The following ATM variants were observed in gnomAD, a reference collection of about 807,000 sequenced individuals.
The protein encoded by ATM is serine-protein kinase ATM.
ATM carries 308 observed loss-of-function variants against 387.0 expected under a neutral mutation model. The ratio of observed to expected loss-of-function variants is 0.80; its 90% confidence interval spans 0.73 to 0.87. The LOEUF is 0.87. Among genes scored for constraint, ATM ranks in the 40% least tolerant of loss-of-function variants. The probability of loss-of-function intolerance (pLI) is 0.00; values close to 1 mark genes in which losing one functional copy is unlikely to be tolerated. For synonymous variants in ATM, 1,156 were observed against 1,187.3 expected (o/e 0.97, Z 0.54); for missense variants, 3,312 against 3,560.9 (o/e 0.93, Z 1.78).
At chr11:108,239,792 A>T (rs1434214862) in intron 5 of ATM, among the ~76,000 whole-genome samples, 2 of 152,136 alleles carry the variant, frequency 1.3e-5, no homozygotes, top group Non-Finnish European at 2.9e-5. Flanking sequence ...CTACATTCTC[A>T]CTAGCACAAC....
rs752705487 is a variant in ATM at position 108,335,837 on chromosome 11, T to G, written c.8152-8T>G. 6.2e-7 allele frequency: 1 copy of G among 1,607,556 alleles called. No homozygotes were observed. The highest frequency in any genetic ancestry group is 8.5e-7 in the Non-Finnish European group (1 of 1,174,224). ...GTACTTGTTTATTCATGCTTAATTA[T>G]TCTGAAGGGCCGTGATGACCTGAGA... On this transcript the variant is annotated splice_region_variant and splice_polypyrimidine_tract_variant and intron_variant, in intron 55 of 62. Transcript: ENST00000675843.
chr11:108,270,943 T>G (rs2081539788), intron 18 of ATM, 121 bp from the exon 19 acceptor site: 1 of 793,086 alleles, frequency 1.3e-6, no homozygotes, highest in Non-Finnish European at 2.1e-6. Flanking sequence ...ATCTGCCTGC[T>G]TCAGCCTCCC....
At chr11:108,308,094 A>G (rs1430090612) in intron 38 of ATM, 110 bp downstream of exon 38, 2 of 1,035,340 alleles carry the variant, frequency 1.9e-6, no homozygotes, top group Non-Finnish European at 2.9e-6. Flanking sequence ...AAAGTGTTAT[A>G]TTTAATTTGT....
chr11:108,228,364 C>G (rs1350296179), intron 3 of ATM, among the ~76,000 whole-genome samples: 1 of 152,120 alleles, frequency 6.6e-6, no homozygotes, highest in Non-Finnish European at 1.5e-5. Flanking sequence ...CAACTGATTG[C>G]TGGACAGGAG....
intron 61 of ATM, among the ~76,000 whole-genome samples, chr11:108,359,681 T>C (rs976426809): frequency 2.6e-5 from 4 of 152,238 alleles, no homozygotes; most frequent in African/African-American, 9.6e-5. Flanking sequence ...CCAAACAACC[T>C]GCTCCTGAAT....
rs546023856 is a variant in ATM at position 108,366,762 on chromosome 11, T to C, written c.*1254T>C. ...TCTCCTTGTGCTAGTGGGCAGAATA[T>C]TTGATTGATGCCTTTTTCACTGAGA... On this transcript the variant is annotated 3_prime_UTR_variant, in exon 63 of 63. Coordinates refer to ENST00000675843, the MANE Select transcript of ATM (RefSeq NM_000051.4). 2.6e-5 allele frequency: 6 copies of C among 230,826 alleles called. No homozygotes were observed. The highest frequency in any genetic ancestry group is 1.1e-4 in the African/African-American group (5 of 45,334). The allele number at this position is 230,826 out of a possible 1,614,324, so 14.3% of individuals were successfully genotyped here.
chr11:108,332,906 T>G lies in ATM; in HGVS notation c.7927+6T>G, dbSNP rs1591179460. 4 of 1,609,706 alleles carry G rather than the reference T, an allele frequency of 2.5e-6. No individual in the cohort carries two copies. The highest frequency in any genetic ancestry group is 3.4e-6 in the Non-Finnish European group (4 of 1,178,354). On this transcript the variant is annotated splice_donor_region_variant and intron_variant, in intron 53 of 62. Coordinates refer to ENST00000675843, the MANE Select transcript of ATM (RefSeq NM_000051.4). ...TCAGTGGAAGACTCAGAGAAGTATG[T>G]TTTTTTTAAAGAAGAAACGTTACTT...
intron 5 of ATM, among the ~76,000 whole-genome samples, chr11:108,238,053 A>C (rs1244856855): frequency 6.6e-6 from 1 of 151,692 alleles, no homozygotes; most frequent in African/African-American, 2.4e-5. Context: ...CAGCCTCCTG[A>C]GTAGCTGGGA....
intron 42 of ATM, among the ~76,000 whole-genome samples, chr11:108,316,927 A>AAAAT (rs1176966677): frequency 6.6e-6 from 1 of 151,694 alleles, no homozygotes; most frequent in Non-Finnish European, 1.5e-5. Context: ...CTCCATCTCA[A>AAAAT]AAATAAATAA....
At position 108,336,676 on chromosome 11, in the gene ATM, G is replaced by T. The variant is rs1359510372; in HGVS notation, c.8268+715G>T. On this transcript the variant is annotated intron_variant, in intron 56 of 62. Coordinates refer to ENST00000675843, the MANE Select transcript of ATM (RefSeq NM_000051.4). Reference sequence around the variant, plus strand: ...CATGCGCAGGCAAATTTGTAGCATGGATTTCCAAAAGTTGGATTGCTGGGT... The same window carrying T: ...CATGCGCAGGCAAATTTGTAGCATGTATTTCCAAAAGTTGGATTGCTGGGT... Among the ~76,000 whole-genome samples the T allele has an allele frequency of 2.0e-5, 3 of 152,276 alleles. No homozygotes were observed. In the East Asian group the frequency reaches 5.8e-4, roughly 29 times the overall value.
chr11:108,268,197 T>G (rs1306103994), intron 17 of ATM, among the ~76,000 whole-genome samples: 3 of 151,064 alleles, frequency 2.0e-5, no homozygotes, highest in South Asian at 2.1e-4. Context: ...TGTCTAAGGG[T>G]TTTTTTTTCT....
At chr11:108,289,361 A>G (rs1193365836) in intron 28 of ATM, among the ~76,000 whole-genome samples, 2 of 152,216 alleles carry the variant, frequency 1.3e-5, no homozygotes, top group African/African-American at 4.8e-5. Context: ...TCATAGGAAT[A>G]TACTATTTAA....
chr11:108,363,835 T>G (rs896911304), intron 61 of ATM, among the ~76,000 whole-genome samples: 2 of 152,204 alleles, frequency 1.3e-5, no homozygotes, highest in Non-Finnish European at 2.9e-5. Context: ...TGAAGTAATT[T>G]AGATTTTTCT....
chr11:108,305,718 AT>A (rs1375215983), intron 37 of ATM, among the ~76,000 whole-genome samples: 1 of 152,204 alleles, frequency 6.6e-6, no homozygotes, highest in East Asian at 1.9e-4. Flanking sequence ...TATAATGGGT[AT>A]TTCTCATGCC....
At chr11:108,332,699 A>G (rs1008773097) in intron 52 of ATM, 63 bp from the exon 53 acceptor site, 1 of 1,543,130 alleles carries the variant, frequency 6.5e-7, no homozygotes, top group Admixed American at 1.8e-5. Flanking sequence ...TTGTTTTTCT[A>G]ACTCTGAGAA....
intron 50 of ATM, chr11:108,331,225 A>G: frequency 8.0e-7 from 1 of 1,249,316 alleles, no homozygotes; most frequent in Non-Finnish European, 1.0e-6. Flanking sequence ...AGTTTAATTT[A>G]GGACCAAATA....
At chr11:108,286,312 CAAAAAAAAAA>C (rs34917552) in intron 26 of ATM, among the ~76,000 whole-genome samples, 2 of 47,172 alleles carry the variant, frequency 4.2e-5, no homozygotes, top group Admixed American at 3.2e-4. Context: ...GATTTCGTCT[CAAAAAAAAAA>C]AAAAAAAAAA....
intron 61 of ATM, among the ~76,000 whole-genome samples, chr11:108,356,815 T>C (rs2089989217): frequency 6.6e-6 from 1 of 152,208 alleles, no homozygotes; most frequent in Non-Finnish European, 1.5e-5. Flanking sequence ...GAAGTGACAG[T>C]GGCCAGATCC....
chr11:108,272,694 A>G (rs1300445440), intron 21 of ATM, 28 bp from the exon 22 acceptor site: 4 of 1,613,758 alleles, frequency 2.5e-6, no homozygotes, highest in Non-Finnish European at 2.5e-6. Context: ...TCTCTATTTC[A>G]TATTTAACCA....
Sources: gnomAD v4.1 joint callset for allele counts (sites outside exome capture counted in the v4.1 genomes callset) on GRCh38, gnomAD v4.1.1 for gene constraint, MANE v1.5 for transcripts, NCBI Gene and HGNC (gene_info 2026-07-23, HGNC 2026-07-21) for gene names.